Variants in TDRD3 observed in about 807,000 individuals in gnomAD.
The protein encoded by TDRD3 is tudor domain-containing protein 3.
TDRD3 carries 45 observed loss-of-function variants against 86.7 expected under a neutral mutation model. The observed-to-expected ratio is 0.52, with a 90% CI of 0.41 to 0.67. TDRD3 has a LOEUF of 0.67. Ranked by LOEUF, TDRD3 falls within the 30% of genes least tolerant of loss-of-function variation. The pLI, the probability that TDRD3 is intolerant of heterozygous loss-of-function variation, is 0.00. For synonymous variants in TDRD3, 298 were observed against 301.7 expected (o/e 0.99, Z 0.13); for missense variants, 814 against 889.0 (o/e 0.92, Z 1.07).
At position 60,445,000 on chromosome 13, in the gene TDRD3, C is replaced by A. The variant is rs149531809; in HGVS notation, c.192+252C>A. Reference sequence around the variant, plus strand: ...TGTAACTATGGCATGCTTACATGAACGGTGAGACTTAAAACCAGATGTAAT... The same window carrying A: ...TGTAACTATGGCATGCTTACATGAAAGGTGAGACTTAAAACCAGATGTAAT... On this transcript the variant is annotated intron_variant, in intron 3 of 13. Transcript: ENST00000377881. 2.6e-5 allele frequency among the ~76,000 whole-genome samples: 4 copies of A among 151,818 alleles called. No individual in the cohort carries two copies. The East Asian group carries it at 7.7e-4, about 29-fold the overall frequency.
chr13:60,428,483 G>A (rs1954866601), intron 1 of TDRD3, among the ~76,000 whole-genome samples: 1 of 152,032 alleles, frequency 6.6e-6, no homozygotes, highest in African/African-American at 2.4e-5. Context: ...AAGAAAGGCC[G>A]ATTAATAGCA....
intron 11 of TDRD3, among the ~76,000 whole-genome samples, chr13:60,532,489 T>C (rs1957606932): frequency 6.6e-6 from 1 of 152,206 alleles, no homozygotes; most frequent in South Asian, 2.1e-4. Context: ...AATGGACAAC[T>C]TTCCAGTGTT....
chr13:60,531,681 A>G (rs1007624406), intron 11 of TDRD3, among the ~76,000 whole-genome samples: 1 of 152,024 alleles, frequency 6.6e-6, no homozygotes, highest in Non-Finnish European at 1.5e-5. Context: ...GTCAAAAGCA[A>G]CTCTCTACAG....
intron 5 of TDRD3, among the ~76,000 whole-genome samples, chr13:60,480,397 T>C (rs1026845122): frequency 6.6e-6 from 1 of 152,184 alleles, no homozygotes; most frequent in African/African-American, 2.4e-5. Context: ...GTAAGGCCCC[T>C]TTTCTCTAGC....
At chr13:60,572,137 A>G (rs1053364507) in intron 13 of TDRD3, among the ~76,000 whole-genome samples, 1 of 152,166 alleles carries the variant, frequency 6.6e-6, no homozygotes, top group Non-Finnish European at 1.5e-5. Context: ...GCCCTTAGAC[A>G]TGAAGTTTAA....
At chr13:60,565,041 CTTTTTTTTTTTTTTT>C (rs869194148) in intron 12 of TDRD3, among the ~76,000 whole-genome samples, 18 of 70,884 alleles carry the variant, frequency 2.5e-4, no homozygotes, top group Middle Eastern at 0.016. Flanking sequence ...CTATCAGTAT[CTTTTTTTTTTTTTTT>C]TTTTTTTTTT....
chr13:60,477,937 G>A (rs574946157), intron 5 of TDRD3, among the ~76,000 whole-genome samples: 18 of 152,086 alleles, frequency 1.2e-4, no homozygotes, highest in South Asian at 2.1e-4. Context: ...GAACAGTTTC[G>A]GTAGGATTGG....
chr13:60,439,207 C>T (rs1955195995), intron 1 of TDRD3, among the ~76,000 whole-genome samples: 1 of 152,176 alleles, frequency 6.6e-6, no homozygotes, highest in African/African-American at 2.4e-5. Flanking sequence ...TTGAAGGATC[C>T]TTGAGAACCT....
chr13:60,560,125 TATACC>T (rs756270804), intron 12 of TDRD3, among the ~76,000 whole-genome samples: 19 of 152,242 alleles, frequency 1.2e-4, no homozygotes, highest in Admixed American at 2.6e-4. Context: ...AATGGAAATA[TATACC>T]GTATGATGCA....
rs749852875 is a variant in TDRD3, at chr13:60,567,552, C to G, written c.2146C>G (p.Leu716Val). 3 of 1,614,016 alleles carry G rather than the reference C, an allele frequency of 1.9e-6. No individual in the cohort carries two copies. The African/African-American group carries it at 4.0e-5, about 22-fold the overall frequency. Residue 716 changes from leucine to valine, a missense_variant, in exon 13 of 14, where the codon CTG becomes GTG. Coordinates refer to ENST00000377881, the MANE Select transcript of TDRD3 (RefSeq NM_001146070.2). ...WEEEGTYDQT[L>V]EFRRGGDGQP... ...GGAAGAAGGCACCTACGATCAAACT[C>G]TGGAGTTCCGTAGGGGAGGTGATGG... is the stretch of plus-strand genomic sequence containing the variant.
chr13:60,572,342 T>C (rs537066524), intron 13 of TDRD3, among the ~76,000 whole-genome samples: 1 of 152,320 alleles, frequency 6.6e-6, no homozygotes, highest in East Asian at 1.9e-4. Flanking sequence ...AGTTTGAATT[T>C]GTTGTGTTTG....
chr13:60,415,105 G>A (rs568196590), intron 1 of TDRD3, among the ~76,000 whole-genome samples: 1 of 151,622 alleles, frequency 6.6e-6, no homozygotes, highest in Non-Finnish European at 1.5e-5. Flanking sequence ...ATAAGAAATT[G>A]AACTTATGAA....
intron 1 of TDRD3, among the ~76,000 whole-genome samples, chr13:60,424,668 CTCTG>C (rs896211190): frequency 2.6e-5 from 4 of 152,140 alleles, no homozygotes; most frequent in African/African-American, 9.7e-5. Flanking sequence ...CAGAAGGCAA[CTCTG>C]TCTGAAAAAA....
chr13:60,424,797 C>T (rs1954761192), intron 1 of TDRD3, among the ~76,000 whole-genome samples: 1 of 152,194 alleles, frequency 6.6e-6, no homozygotes, highest in South Asian at 2.1e-4. Context: ...GCATCATTCC[C>T]CTTTCCTCCT....
At chr13:60,538,253 G>A (rs1441934080) in intron 12 of TDRD3, among the ~76,000 whole-genome samples, 1 of 151,876 alleles carries the variant, frequency 6.6e-6, no homozygotes, top group East Asian at 1.9e-4. Flanking sequence ...TAATGTTGTG[G>A]TCTTTGAGTA....
At chr13:60,451,422 G>T (rs1308075672) in intron 3 of TDRD3, among the ~76,000 whole-genome samples, 1 of 152,162 alleles carries the variant, frequency 6.6e-6, no homozygotes, top group Non-Finnish European at 1.5e-5. Flanking sequence ...GCCGTGTGCT[G>T]GATCCAGCTT....
At chr13:60,482,763 TTATCTTTATAAAATA>T (rs1319455099) in intron 5 of TDRD3, among the ~76,000 whole-genome samples, 2 of 152,090 alleles carry the variant, frequency 1.3e-5, no homozygotes, top group Non-Finnish European at 2.9e-5. Flanking sequence ...TTACTCTTAA[TTATCTTTATAAAATA>T]TACAGTGTTT....
At chr13:60,441,122 C>T (rs932835849) in intron 2 of TDRD3, among the ~76,000 whole-genome samples, 30 of 152,074 alleles carry the variant, frequency 2.0e-4, no homozygotes, top group African/African-American at 7.0e-4. Context: ...TAATAATAAG[C>T]ATTAGCTAGA....
In TDRD3 at chr13:60,409,821, T is replaced by G. The variant is rs1319886038; in HGVS notation, c.41+12416T>G. Among the ~76,000 whole-genome samples, 5 of 152,310 alleles carry G rather than the reference T, an allele frequency of 3.3e-5. No individual in the cohort carries two copies. In the East Asian group the frequency reaches 7.7e-4, roughly 24 times the overall value. On this transcript the variant is annotated intron_variant, in intron 1 of 13. Coordinates refer to ENST00000377881, the MANE Select transcript of TDRD3 (RefSeq NM_001146070.2). ...GAAATGAGTTAAGACTTTGGTGGAC[T>G]GTTCGGAAGGCATGATTGGTTTTGA...
Sources: allele counts gnomAD v4.1 joint callset (sites outside exome capture counted in the v4.1 genomes callset), GRCh38; gene constraint gnomAD v4.1.1; transcripts MANE v1.5; gene names NCBI Gene and HGNC (gene_info 2026-07-23, HGNC 2026-07-21).